The following KLHDC2 variants were observed in gnomAD, a reference collection of about 807,000 sequenced individuals.
KLHDC2 encodes kelch domain-containing protein 2.
A neutral mutation model predicts 62.3 loss-of-function variants in KLHDC2; 38 were observed. The ratio of observed to expected loss-of-function variants is 0.61; its 90% confidence interval spans 0.47 to 0.80. The LOEUF (loss-of-function observed/expected upper bound fraction) is 0.80, where lower values mean the gene tolerates loss of function less well. KLHDC2 is among the 30% of genes least tolerant of loss of function. The probability of loss-of-function intolerance (pLI) is 0.00; values close to 1 mark genes in which losing one functional copy is unlikely to be tolerated. For synonymous variants in KLHDC2, 159 were observed against 161.0 expected, an observed-to-expected ratio of 0.99 and a Z score of 0.09; for missense variants, 430 against 495.3, an observed-to-expected ratio of 0.87 and a Z score of 1.25.
At chr14:49,781,407 G>A (rs1489218175) in intron 10 of KLHDC2, among the ~76,000 whole-genome samples, 1 of 149,850 alleles carries the variant, frequency 6.7e-6, no homozygotes, top group East Asian at 2.0e-4. Context: ...TGCTGGAATG[G>A]GTAAAATGTT....
chr14:49,785,475 G>C lies in KLHDC2; in HGVS notation c.*2522G>C. 1 of 603,172 alleles carries C rather than the reference G, an allele frequency of 1.7e-6. No individual in the cohort carries two copies. The highest frequency in any genetic ancestry group is 3.0e-6 in the Non-Finnish European group (1 of 336,308). The allele number at this position is 603,172 out of a possible 1,614,324, so 37.4% of individuals were successfully genotyped here. ...AGTGGTACTTAAACTCTGCTTCATA[G>C]TTCCAAAGAGTTGAAGACCAATGTT... is the stretch of plus-strand genomic sequence containing the variant. On this transcript the variant is annotated 3_prime_UTR_variant, in exon 13 of 13. Coordinates refer to ENST00000298307, the MANE Select transcript of KLHDC2 (RefSeq NM_014315.3).
chr14:49,783,275 T>TCATC lies in KLHDC2; in HGVS notation c.*325_*326insCCAT, dbSNP rs1251772356. On this transcript the variant is annotated 3_prime_UTR_variant, in exon 13 of 13. Coordinates refer to ENST00000298307, the MANE Select transcript of KLHDC2 (RefSeq NM_014315.3). ...TCTTACCATCATCAAAATGCTGAAG[T>TCATC]CATTTTTTGAAAACATTATAGATTT... The TCATC allele has an allele frequency of 6.3e-6, 1 of 158,318 alleles. No homozygotes were observed. 9.8% of individuals were successfully genotyped at this position (158,318 alleles called of 1,614,324 possible). A position where few individuals can be genotyped will look rare whatever the true frequency, so the allele number is the denominator to read the frequency against.
Position 49,777,736 on chromosome 14 carries a change from C to T in KLHDC2, c.352-103C>T, listed in dbSNP as rs1889802649. The T allele has an allele frequency of 4.7e-6, 3 of 638,546 alleles. No individual in the cohort carries two copies. In the South Asian group the frequency reaches 6.5e-5, roughly 14 times the overall value. 39.6% of individuals were successfully genotyped at this position (638,546 alleles called of 1,614,324 possible). A position where few individuals can be genotyped will look rare whatever the true frequency, so the allele number is the denominator to read the frequency against. ...GTCTGCAGTCACAATTTCAGTAGCA[C>T]TGAATTAGATGGCACTCTTATCATA... is the stretch of plus-strand genomic sequence containing the variant. On this transcript the variant is annotated intron_variant, in intron 3 of 12. Transcript: ENST00000298307.
At chr14:49,770,530 T>A (rs1889641306) in intron 1 of KLHDC2, among the ~76,000 whole-genome samples, 1 of 152,194 alleles carries the variant, frequency 6.6e-6, no homozygotes, top group African/African-American at 2.4e-5. Flanking sequence ...GTTTACTGTG[T>A]CAACATTGTT....
chr14:49,771,765 G>A (rs536584177), intron 2 of KLHDC2, 92 bp downstream of exon 2: 515 of 685,484 alleles, frequency 7.5e-4, no homozygotes, highest in Non-Finnish European at 1.1e-3. Context: ...CACTTTGGGA[G>A]GCCAACGCGG....
In KLHDC2 at chr14:49,778,397, C is replaced by T; in HGVS notation, c.550-14C>T. On this transcript the variant is annotated splice_polypyrimidine_tract_variant and intron_variant, in intron 5 of 12. Transcript: ENST00000298307. ...TATCATTTCTAAAATAACGCGGATT[C>T]TTATTTTCTGTAGAATTCAAGTCAT... 2 of 1,480,854 alleles carry T rather than the reference C, an allele frequency of 1.4e-6. No individual in the cohort carries two copies. The highest frequency in any genetic ancestry group is 1.9e-6 in the Non-Finnish European group (2 of 1,071,436). The allele number at this position is 1,480,854 out of a possible 1,614,324, so 91.7% of individuals were successfully genotyped here.
chr14:49,783,968 A>ATT lies in KLHDC2; in HGVS notation c.*1016_*1017dup, dbSNP rs1365528199. ...TGTAGCTGGCCTATAATATATATATATTAGATGTTATATACAGTAGACTTA... is the reference window on the plus strand; with the variant it reads ...TGTAGCTGGCCTATAATATATATATATTTTAGATGTTATATACAGTAGACTTA... On this transcript the variant is annotated 3_prime_UTR_variant, in exon 13 of 13. Coordinates refer to ENST00000298307, the MANE Select transcript of KLHDC2 (RefSeq NM_014315.3). The ATT allele has an allele frequency of 6.6e-6, 1 of 152,158 alleles. No individual in the cohort carries two copies. The highest frequency in any genetic ancestry group is 1.9e-4 in the East Asian group (1 of 5,202). The allele number at this position is 152,158 out of a possible 1,614,324, so 9.4% of individuals were successfully genotyped here.
chr14:49,780,865 A>G lies in KLHDC2; in HGVS notation c.956+90A>G, dbSNP rs1889882337. 9 of 768,172 alleles carry G rather than the reference A, an allele frequency of 1.2e-5. No homozygotes were observed. In the East Asian group the frequency reaches 2.2e-4, roughly 19 times the overall value. 47.6% of individuals were successfully genotyped at this position (768,172 alleles called of 1,614,324 possible). On this transcript the variant is annotated intron_variant, in intron 10 of 12. Coordinates refer to ENST00000298307, the MANE Select transcript of KLHDC2 (RefSeq NM_014315.3). ...TATATCCAGCATTCTTATTTATAAA[A>G]ATCTCAGCATTCACTAAGGTTTGAA...
chr14:49,783,000 T>C lies in KLHDC2; in HGVS notation c.*47T>C, dbSNP rs1889982869. Reference sequence around the variant, plus strand: ...GATCACCTTGCATGGACAGCAATCCTGTAAACATCACAGAGTGGCATCATT... The same window carrying C: ...GATCACCTTGCATGGACAGCAATCCCGTAAACATCACAGAGTGGCATCATT... On this transcript the variant is annotated 3_prime_UTR_variant, in exon 13 of 13. Transcript: ENST00000298307. 6.3e-7 allele frequency: 1 copy of C among 1,580,006 alleles called. No homozygotes were observed. Among genetic ancestry groups the C allele is most frequent in the African/African-American group, 1.4e-5 (1 of 73,798 alleles).
chr14:49,777,524 T>C (rs1889797329), intron 3 of KLHDC2, among the ~76,000 whole-genome samples: 1 of 151,292 alleles, frequency 6.6e-6, no homozygotes, highest in Admixed American at 6.6e-5. Context: ...AGCCCAGGAG[T>C]TTAGGTTACA....
intron 6 of KLHDC2, among the ~76,000 whole-genome samples, chr14:49,778,785 G>A (rs1213704605): frequency 4.0e-5 from 6 of 151,138 alleles, no homozygotes; most frequent in Non-Finnish European, 7.4e-5. Context: ...GTGCAGTGGC[G>A]GGATCTCTGC....
At position 49,782,803 on chromosome 14, in the gene KLHDC2, C is replaced by T. The variant is rs562469178; in HGVS notation, c.1098-27C>T. The T allele has an allele frequency of 1.6e-5, 26 of 1,602,980 alleles. No individual in the cohort carries two copies. In the African/African-American group the frequency reaches 3.0e-4, roughly 18 times the overall value. On this transcript the variant is annotated intron_variant, in intron 12 of 12. Coordinates refer to ENST00000298307, the MANE Select transcript of KLHDC2 (RefSeq NM_014315.3). Reference sequence around the variant, plus strand: ...ACTTCCAAACAGTAAAGTGAAATTACTTTTCTCTTTCCTTGTCCACTTTCA... The same window carrying T: ...ACTTCCAAACAGTAAAGTGAAATTATTTTTCTCTTTCCTTGTCCACTTTCA...
intron 9 of KLHDC2, 88 bp downstream of exon 9, chr14:49,780,410 C>CG: frequency 1.1e-6 from 1 of 907,108 alleles, no homozygotes; most frequent in Non-Finnish European, 1.8e-6. Context: ...ACTGATGAGA[C>CG]GGCTTATAGG....
chr14:49,771,906 G>A (rs1447613499), intron 2 of KLHDC2, among the ~76,000 whole-genome samples: 1 of 152,152 alleles, frequency 6.6e-6, no homozygotes, highest in Non-Finnish European at 1.5e-5. Context: ...TGGGAGAATC[G>A]CTTGAATCTG....
chr14:49,782,687 G>C, intron 12 of KLHDC2, 93 bp downstream of exon 12: 2 of 1,348,746 alleles, frequency 1.5e-6, no homozygotes, highest in Non-Finnish European at 2.0e-6. Flanking sequence ...GATTATTTAA[G>C]GGCAATAAAA....
intron 2 of KLHDC2, among the ~76,000 whole-genome samples, chr14:49,772,254 C>T (rs1889679639): frequency 6.6e-6 from 1 of 151,882 alleles, no homozygotes; most frequent in Admixed American, 6.6e-5. Flanking sequence ...GTTAAGTCTT[C>T]TGTTATATGA....
At chr14:49,782,732 T>A in intron 12 of KLHDC2, 98 bp from the exon 13 acceptor site, 1 of 1,454,386 alleles carries the variant, frequency 6.9e-7, no homozygotes, top group Non-Finnish European at 9.4e-7. Context: ...TGAAAATCTT[T>A]GAAGAAAGAA....
At chr14:49,772,992 T>G (rs1889694651) in intron 2 of KLHDC2, among the ~76,000 whole-genome samples, 1 of 152,132 alleles carries the variant, frequency 6.6e-6, no homozygotes, top group Non-Finnish European at 1.5e-5. Flanking sequence ...AAACTAAAAA[T>G]AAGTCATGAT....
intron 3 of KLHDC2, 34 bp downstream of exon 3, chr14:49,774,712 T>G: frequency 8.0e-7 from 1 of 1,247,558 alleles, no homozygotes; most frequent in Non-Finnish European, 1.2e-6. Flanking sequence ...CTTGAGGCAT[T>G]TTTATTCTTA....
Sources: gnomAD v4.1 joint callset for allele counts (sites outside exome capture counted in the v4.1 genomes callset) on GRCh38, gnomAD v4.1.1 for gene constraint, MANE v1.5 for transcripts, NCBI Gene and HGNC (gene_info 2026-07-23, HGNC 2026-07-21) for gene names.